The following ULK4 variants were observed in gnomAD, a reference collection of about 807,000 sequenced individuals.
The protein encoded by ULK4 is unc-51 like kinase 4, also known as inactive serine/threonine-protein kinase ULK4.
In ULK4, 133 loss-of-function variants were observed where a neutral mutation model predicts 160.6. That is an observed-to-expected ratio of 0.83 (90% CI 0.72 to 0.96). ULK4 has a LOEUF of 0.96. Among genes scored for constraint, ULK4 ranks in the 40% least tolerant of loss-of-function variants. The probability of loss-of-function intolerance (pLI) is 0.00; values close to 1 mark genes in which losing one functional copy is unlikely to be tolerated. For missense variants in ULK4, 1,580 were observed against 1,499.5 expected (o/e 1.05, Z -0.89); for synonymous variants, 534 against 539.8 (o/e 0.99, Z 0.15).
At chr3:41,373,380 A>G (rs1451207810) in intron 35 of ULK4, among the ~76,000 whole-genome samples, 1 of 152,196 alleles carries the variant, frequency 6.6e-6, no homozygotes, top group Non-Finnish European at 1.5e-5. Context: ...CGACCACATA[A>G]TTGGAAGTAA....
intron 35 of ULK4, among the ~76,000 whole-genome samples, chr3:41,265,975 G>C (rs546062422): frequency 6.6e-6 from 1 of 152,284 alleles, no homozygotes; most frequent in African/African-American, 2.4e-5. Flanking sequence ...TGCTCTGGGT[G>C]AATCAGAGGA....
At chr3:41,604,808 G>T (rs534129598) in intron 31 of ULK4, among the ~76,000 whole-genome samples, 1 of 152,028 alleles carries the variant, frequency 6.6e-6, no homozygotes, top group Admixed American at 6.6e-5. Context: ...CCTTCTACCC[G>T]TGGACTTTCT....
At chr3:41,672,419 GT>G (rs2125776523) in intron 29 of ULK4, among the ~76,000 whole-genome samples, 1 of 152,234 alleles carries the variant, frequency 6.6e-6, no homozygotes, top group Admixed American at 6.5e-5. Flanking sequence ...GGAAATGGAG[GT>G]CATTATATTA....
At chr3:41,378,243 A>C (rs1223531501) in intron 35 of ULK4, among the ~76,000 whole-genome samples, 6 of 77,498 alleles carry the variant, frequency 7.7e-5, no homozygotes, top group African/African-American at 1.0e-4. Flanking sequence ...GGGAGGGGGG[A>C]GGGATAGCAT....
chr3:41,708,351 A>G (rs558210035), intron 25 of ULK4, among the ~76,000 whole-genome samples: 1 of 152,304 alleles, frequency 6.6e-6, no homozygotes, highest in African/African-American at 2.4e-5. Flanking sequence ...GAATTGTTTT[A>G]AAAAGGAAAT....
chr3:41,633,876 C>T (rs185097222), intron 30 of ULK4, among the ~76,000 whole-genome samples: 3 of 152,246 alleles, frequency 2.0e-5, no homozygotes, highest in South Asian at 2.1e-4. Context: ...CAGCACACCA[C>T]GCAATGTCAT....
intron 30 of ULK4, among the ~76,000 whole-genome samples, chr3:41,639,025 T>C (rs1296438119): frequency 2.0e-5 from 3 of 152,220 alleles, no homozygotes; most frequent in South Asian, 4.1e-4. Context: ...AGAACCATGA[T>C]GCCAAAACAG....
intron 36 of ULK4, among the ~76,000 whole-genome samples, chr3:41,248,785 C>T (rs540350559): frequency 1.6e-4 from 25 of 152,332 alleles, no homozygotes; most frequent in Non-Finnish European, 2.9e-4. Flanking sequence ...TGAGCATCAG[C>T]GTCTCTGTGG....
At chr3:41,550,122 T>C (rs1164260012) in intron 32 of ULK4, among the ~76,000 whole-genome samples, 1 of 151,906 alleles carries the variant, frequency 6.6e-6, no homozygotes, top group Non-Finnish European at 1.5e-5. Context: ...TAAAACCTAC[T>C]GGTAGAGCAA....
chr3:41,640,019 T>A (rs989460530), intron 30 of ULK4, among the ~76,000 whole-genome samples: 7 of 152,170 alleles, frequency 4.6e-5, no homozygotes, highest in African/African-American at 1.7e-4. Context: ...AAGCATCCAC[T>A]GAAGGATATC....
In ULK4 at chr3:41,954,822, A is replaced by G; in HGVS notation, c.-48-15T>C. ...ATCTCTAGCTCCTAAGAAGTAAACA[A>G]AAATGACATTGATAAATGCAAGTTA... On this transcript the variant is annotated splice_polypyrimidine_tract_variant and intron_variant, in intron 1 of 36. Transcript: ENST00000301831. 3 of 1,483,634 alleles carry G rather than the reference A, an allele frequency of 2.0e-6. No homozygotes were observed. In the South Asian group the frequency reaches 4.0e-5, roughly 20 times the overall value. The allele number at this position is 1,483,634 out of a possible 1,614,324, so 91.9% of individuals were successfully genotyped here.
At chr3:41,522,656 A>T (rs1228705233) in intron 32 of ULK4, among the ~76,000 whole-genome samples, 1 of 152,210 alleles carries the variant, frequency 6.6e-6, no homozygotes, top group Non-Finnish European at 1.5e-5. Flanking sequence ...CCTGTTCTCC[A>T]TATTTCAAAA....
At chr3:41,317,483 A>G (rs1298528025) in intron 35 of ULK4, among the ~76,000 whole-genome samples, 2 of 152,148 alleles carry the variant, frequency 1.3e-5, no homozygotes, top group African/African-American at 4.8e-5. Context: ...ATTGATAATG[A>G]TATTATTGAT....
intron 32 of ULK4, among the ~76,000 whole-genome samples, chr3:41,513,666 A>T (rs2085659623): frequency 6.6e-6 from 1 of 152,232 alleles, no homozygotes; most frequent in Non-Finnish European, 1.5e-5. Flanking sequence ...CATTCACAGC[A>T]ACCTGGATAG....
chr3:41,408,104 G>A (rs2082330539), intron 34 of ULK4, among the ~76,000 whole-genome samples: 1 of 151,044 alleles, frequency 6.6e-6, no homozygotes, highest in South Asian at 2.1e-4. Context: ...TAAAACAAAT[G>A]GCATATTTAG....
intron 17 of ULK4, among the ~76,000 whole-genome samples, chr3:41,853,705 T>C (rs1458743021): frequency 6.6e-6 from 1 of 152,140 alleles, no homozygotes; most frequent in East Asian, 1.9e-4. Context: ...ACAGTTTTGA[T>C]TGGACGAGAG....
chr3:41,757,515 C>T (rs1387608264), intron 21 of ULK4, among the ~76,000 whole-genome samples: 1 of 151,194 alleles, frequency 6.6e-6, no homozygotes. Context: ...GCCTGTAGTC[C>T]CAGCTACTCC....
intron 35 of ULK4, among the ~76,000 whole-genome samples, chr3:41,359,160 G>A (rs1384326723): frequency 6.6e-6 from 1 of 152,156 alleles, no homozygotes; most frequent in Non-Finnish European, 1.5e-5. Flanking sequence ...TGACTAAGGC[G>A]AACAGGAGTG....
intron 1 of ULK4, among the ~76,000 whole-genome samples, chr3:41,960,827 AATAC>A (rs1700639769): frequency 6.6e-6 from 1 of 152,164 alleles, no homozygotes; most frequent in African/African-American, 2.4e-5. Flanking sequence ...AACTCCACAG[AATAC>A]ATAGTTTAAT....
Sources: allele counts gnomAD v4.1 joint callset (sites outside exome capture counted in the v4.1 genomes callset), GRCh38; gene constraint gnomAD v4.1.1; transcripts MANE v1.5; gene names NCBI Gene and HGNC (gene_info 2026-07-23, HGNC 2026-07-21).